SLC10A7: variants seen among roughly 807,000 people sequenced by gnomAD.
SLC10A7 encodes solute carrier family 10 member 7, also known as sodium/bile acid cotransporter 7.
Under a neutral mutation model 43.2 loss-of-function variants are expected in SLC10A7, and 29 were observed. The ratio of observed to expected loss-of-function variants is 0.67; its 90% confidence interval spans 0.50 to 0.92. The LOEUF is 0.92. SLC10A7 is among the 40% of genes least tolerant of loss of function. The pLI, the probability that SLC10A7 is intolerant of heterozygous loss-of-function variation, is 0.00. For synonymous variants in SLC10A7, 152 were observed against 144.8 expected, an observed-to-expected ratio of 1.05 and a Z score of -0.35; for missense variants, 295 against 403.2, an observed-to-expected ratio of 0.73 and a Z score of 2.30.
Position 146,341,439 on chromosome 4 carries a change from A to G in SLC10A7, c.436-15443T>C, listed in dbSNP as rs531541419. Among the ~76,000 whole-genome samples the G allele has an allele frequency of 2.6e-5, 4 of 151,910 alleles. No individual in the cohort carries two copies. In the East Asian group the frequency reaches 5.8e-4, roughly 22 times the overall value. On this transcript the variant is annotated intron_variant, in intron 5 of 11. Transcript: ENST00000335472. ...TAATTTAGAGTTTTTGATATTCTGT[A>G]TTTTGAACTAACTTGAATCAGTGTT...
intron 5 of SLC10A7, among the ~76,000 whole-genome samples, chr4:146,411,899 GGGAAA>G (rs1728221103): frequency 6.6e-6 from 1 of 152,018 alleles, no homozygotes; most frequent in Admixed American, 6.6e-5. Flanking sequence ...AAAGGAAGAA[GGGAAA>G]TAACAGTTTA....
rs74781346 is a variant in SLC10A7 at position 146,441,655 on chromosome 4, C to T, written c.435+1128G>A. 6.7e-4 allele frequency: 649 copies of T among 975,358 alleles called. 10 individuals carry two copies. In the South Asian group the frequency reaches 0.02, roughly 30 times the overall value. 60.4% of individuals were successfully genotyped at this position (975,358 alleles called of 1,614,324 possible). On this transcript the variant is annotated intron_variant, in intron 5 of 11. Coordinates refer to ENST00000335472, the MANE Select transcript of SLC10A7 (RefSeq NM_001029998.6). ...ATTACTGAGTCTAAACTAAGCAATC[C>T]GAGAGATTATTTTTGTTAAACAGAC...
chr4:146,505,559 A>G (rs1007154791), intron 3 of SLC10A7, among the ~76,000 whole-genome samples: 2 of 152,198 alleles, frequency 1.3e-5, no homozygotes, highest in East Asian at 3.8e-4. Flanking sequence ...CATTTTTGTA[A>G]GAACATATTA....
intron 5 of SLC10A7, among the ~76,000 whole-genome samples, chr4:146,416,792 T>C (rs929590667): frequency 6.6e-6 from 1 of 152,178 alleles, no homozygotes; most frequent in Non-Finnish European, 1.5e-5. Flanking sequence ...TTATTACATA[T>C]CTGAATTCAT....
chr4:146,351,249 A>C (rs1268515931), intron 5 of SLC10A7, among the ~76,000 whole-genome samples: 1 of 149,676 alleles, frequency 6.7e-6, no homozygotes, highest in Non-Finnish European at 1.5e-5. Context: ...AAGCCTCAGG[A>C]GCTGATACGA....
chr4:146,298,144 C>A (rs1388052178), intron 7 of SLC10A7, among the ~76,000 whole-genome samples: 1 of 152,124 alleles, frequency 6.6e-6, no homozygotes, highest in African/African-American at 2.4e-5. Context: ...AAATTCCTCA[C>A]TTTCCGTGTG....
At chr4:146,282,575 G>T (rs986870823) in intron 10 of SLC10A7, among the ~76,000 whole-genome samples, 1 of 152,120 alleles carries the variant, frequency 6.6e-6, no homozygotes, top group African/African-American at 2.4e-5. Context: ...TGTGTAACAG[G>T]TTATTGGGAT....
chr4:146,268,337 C>T (rs1262705693), intron 10 of SLC10A7, among the ~76,000 whole-genome samples: 1 of 152,016 alleles, frequency 6.6e-6, no homozygotes, highest in Non-Finnish European at 1.5e-5. Flanking sequence ...AGGAATCAGG[C>T]CTGGAAAAGG....
chr4:146,272,523 A>C (rs1728959180), intron 10 of SLC10A7, among the ~76,000 whole-genome samples: 1 of 152,182 alleles, frequency 6.6e-6, no homozygotes. Flanking sequence ...TGTATTCTTT[A>C]CTGCAAAGAA....
chr4:146,422,810 T>C (rs1167175040), intron 5 of SLC10A7, among the ~76,000 whole-genome samples: 1 of 152,176 alleles, frequency 6.6e-6, no homozygotes, highest in South Asian at 2.1e-4. Flanking sequence ...ATTATTTTCC[T>C]AAATTCTACC....
intron 11 of SLC10A7, among the ~76,000 whole-genome samples, chr4:146,257,747 G>C (rs187225959): frequency 8.2e-4 from 125 of 152,310 alleles, no homozygotes; most frequent in Non-Finnish European, 4.4e-5. Context: ...GAGAAGTAAA[G>C]TATGCCCCAG....
rs138065803 is a variant in SLC10A7 at position 146,514,107 on chromosome 4, T to C, written c.183+2931A>G. 146 of 152,340 alleles carry C rather than the reference T, an allele frequency of 9.6e-4. 1 individual carries two copies. Among genetic ancestry groups the C allele is most frequent in the African/African-American group, 3.3e-3 (138 of 41,568 alleles). 9.4% of individuals were successfully genotyped at this position (152,340 alleles called of 1,614,324 possible). A position where few individuals can be genotyped will look rare whatever the true frequency, so the allele number is the denominator to read the frequency against. ...TGTAACCCTTTATCTGACCATCTCA[T>C]TCATTTGCTGAGAGTCAGGCTCATA... On this transcript the variant is annotated intron_variant, in intron 2 of 11. Coordinates refer to ENST00000335472, the MANE Select transcript of SLC10A7 (RefSeq NM_001029998.6).
intron 5 of SLC10A7, among the ~76,000 whole-genome samples, chr4:146,383,127 ACT>A (rs1460121317): frequency 1.3e-5 from 2 of 152,072 alleles, no homozygotes; most frequent in African/African-American, 2.4e-5. Context: ...TGTTACCTTG[ACT>A]TCTTTAAATA....
At chr4:146,439,266 C>T (rs1404736932) in intron 5 of SLC10A7, among the ~76,000 whole-genome samples, 1 of 152,012 alleles carries the variant, frequency 6.6e-6, no homozygotes, top group Admixed American at 6.6e-5. Flanking sequence ...CCTAAAAACA[C>T]TGTTTAAATT....
At chr4:146,256,665 G>A in intron 11 of SLC10A7, 145 bp from the exon 12 acceptor site, 1 of 1,046,394 alleles carries the variant, frequency 9.6e-7, no homozygotes, top group Non-Finnish European at 1.4e-6. Context: ...CAAACCTCTG[G>A]ATACAAACAG....
At chr4:146,309,035 G>A (rs1008397737) in intron 6 of SLC10A7, among the ~76,000 whole-genome samples, 1 of 152,044 alleles carries the variant, frequency 6.6e-6, no homozygotes, top group South Asian at 2.1e-4. Context: ...AGCTGAGGTC[G>A]GTGTGCACGC....
chr4:146,503,359 C>T (rs572103082), intron 4 of SLC10A7, among the ~76,000 whole-genome samples: 10 of 152,172 alleles, frequency 6.6e-5, no homozygotes, highest in Non-Finnish European at 1.2e-4. Flanking sequence ...AATTATTGTG[C>T]CATAGTCCCC....
At chr4:146,506,099 A>G (rs1276999235) in intron 3 of SLC10A7, among the ~76,000 whole-genome samples, 1 of 152,056 alleles carries the variant, frequency 6.6e-6, no homozygotes, top group Non-Finnish European at 1.5e-5. Flanking sequence ...TAGCTTTTTC[A>G]TCCCTCCTCT....
rs565931106 is a variant in SLC10A7, at chr4:146,462,879, A to C, written c.397-20058T>G. Among the ~76,000 whole-genome samples, 30 of 152,330 alleles carry C rather than the reference A, an allele frequency of 2.0e-4. No individual in the cohort carries two copies. The South Asian group carries it at 5.8e-3, about 30-fold the overall frequency. On this transcript the variant is annotated intron_variant, in intron 4 of 11. Coordinates refer to ENST00000335472, the MANE Select transcript of SLC10A7 (RefSeq NM_001029998.6). Reference sequence around the variant, plus strand: ...TTTCTCTAAAAAAAAATCACCTGTGAAGATACTCTCAGAAGGTTTCACTGT... The same window carrying C: ...TTTCTCTAAAAAAAAATCACCTGTGCAGATACTCTCAGAAGGTTTCACTGT...
Sources: allele counts gnomAD v4.1 joint callset (sites outside exome capture counted in the v4.1 genomes callset), GRCh38; gene constraint gnomAD v4.1.1; transcripts MANE v1.5; gene names NCBI Gene and HGNC (gene_info 2026-07-23, HGNC 2026-07-21).